Variants in PAPSS2 observed in about 807,000 individuals in gnomAD.
The protein encoded by PAPSS2 is 3'-phosphoadenosine 5'-phosphosulfate synthase 2.
PAPSS2 carries 61 observed loss-of-function variants against 66.5 expected under a neutral mutation model. The observed-to-expected ratio is 0.92, with a 90% CI of 0.75 to 1.14. The LOEUF (loss-of-function observed/expected upper bound fraction) is 1.14. PAPSS2 is among the 50% of genes most tolerant of loss of function. The pLI is 0.00. For missense variants in PAPSS2, 708 were observed against 789.6 expected, an observed-to-expected ratio of 0.90 and a Z score of 1.24; for synonymous variants, 289 against 287.5, an observed-to-expected ratio of 1.01 and a Z score of -0.05.
rs564616591 is a variant in PAPSS2 at position 87,678,431 on chromosome 10, G to A, written c.27+18423G>A. Among the ~76,000 whole-genome samples, 9 of 152,062 alleles carry A rather than the reference G, an allele frequency of 5.9e-5. No individual in the cohort carries two copies. The South Asian group carries it at 1.9e-3, about 32-fold the overall frequency. On this transcript the variant is annotated intron_variant, in intron 1 of 12. Coordinates refer to ENST00000456849, the MANE Select transcript of PAPSS2 (RefSeq NM_001015880.2). ...CCTTAAAAGCATAGACACCTAAAAC[G>A]AAAATAGACAAATTGAACTATATTA...
chr10:87,701,373 T>C (rs1308079468), intron 1 of PAPSS2, among the ~76,000 whole-genome samples: 4 of 114,524 alleles, frequency 3.5e-5, no homozygotes, highest in Non-Finnish European at 5.0e-5. Flanking sequence ...TCTTTCTTTC[T>C]TTCTTTCTTT....
At chr10:87,667,173 G>A (rs752900461) in intron 1 of PAPSS2, among the ~76,000 whole-genome samples, 1 of 152,080 alleles carries the variant, frequency 6.6e-6, no homozygotes, top group Non-Finnish European at 1.5e-5. Flanking sequence ...CAATAAATTG[G>A]CTGGGTGTGG....
At chr10:87,673,368 C>T (rs1262215997) in intron 1 of PAPSS2, among the ~76,000 whole-genome samples, 3 of 152,002 alleles carry the variant, frequency 2.0e-5, no homozygotes, top group Non-Finnish European at 4.4e-5. Flanking sequence ...CTATGTTGCC[C>T]AGGCTGGTCT....
In PAPSS2 at chr10:87,660,343, T is replaced by G. The variant is rs1415670302; in HGVS notation, c.27+335T>G. 12 of 493,098 alleles carry G rather than the reference T, an allele frequency of 2.4e-5. 1 individual carries two copies. In the Admixed American group the frequency reaches 4.1e-4, roughly 17 times the overall value. The allele number at this position is 493,098 out of a possible 1,614,324, so 30.5% of individuals were successfully genotyped here. A position where few individuals can be genotyped will look rare whatever the true frequency, so the allele number is the denominator to read the frequency against. On this transcript the variant is annotated intron_variant, in intron 1 of 12. Transcript: ENST00000456849. ...ATCCCCTTTCTTTCCCAAGAGCTCT[T>G]CCAGACCCGCCTTTTCTTCTGTAGG... is the stretch of plus-strand genomic sequence containing the variant.
At chr10:87,700,519 A>G (rs1853289583) in intron 1 of PAPSS2, among the ~76,000 whole-genome samples, 1 of 152,006 alleles carries the variant, frequency 6.6e-6, no homozygotes, top group Non-Finnish European at 1.5e-5. Context: ...TTGGCCAGCC[A>G]CAGTGGCTTG....
chr10:87,707,665 G>T (rs113617342), intron 1 of PAPSS2, among the ~76,000 whole-genome samples: 1 of 148,824 alleles, frequency 6.7e-6, no homozygotes, highest in South Asian at 2.1e-4. Flanking sequence ...GGCCTCCTGG[G>T]TTCAAGTGAT....
At chr10:87,668,891 C>T (rs1020862966) in intron 1 of PAPSS2, among the ~76,000 whole-genome samples, 1 of 152,158 alleles carries the variant, frequency 6.6e-6, no homozygotes, top group Non-Finnish European at 1.5e-5. Context: ...CTCTTTATCA[C>T]GTGCTCTTTG....
chr10:87,665,518 A>G (rs1852805331), intron 1 of PAPSS2, among the ~76,000 whole-genome samples: 1 of 152,004 alleles, frequency 6.6e-6, no homozygotes, highest in African/African-American at 2.4e-5. Flanking sequence ...GCCTGAATTT[A>G]CCACTTTTTA....
In PAPSS2 at chr10:87,680,234, A is replaced by G. The variant is rs79488509; in HGVS notation, c.27+20226A>G. Among the ~76,000 whole-genome samples the G allele has an allele frequency of 5.3e-5, 8 of 152,294 alleles. No homozygotes were observed. In the South Asian group the frequency reaches 1.7e-3, roughly 32 times the overall value. ...AGAGGGACTTACTCTCAGATTTGGG[A>G]ACTAGACCCGTTACTATTTTCTTTA... On this transcript the variant is annotated intron_variant, in intron 1 of 12. Transcript: ENST00000456849.
intron 2 of PAPSS2, among the ~76,000 whole-genome samples, chr10:87,710,639 T>G (rs1853452218): frequency 6.6e-6 from 1 of 152,228 alleles, no homozygotes; most frequent in African/African-American, 2.4e-5. Flanking sequence ...AAGGGTATAC[T>G]TTCTCCTTCT....
chr10:87,716,416 C>T (rs748920777), intron 7 of PAPSS2, among the ~76,000 whole-genome samples: 6 of 152,242 alleles, frequency 3.9e-5, no homozygotes, highest in Non-Finnish European at 7.3e-5. Context: ...GAAAACCAAT[C>T]TGGTCAAGCT....
intron 1 of PAPSS2, among the ~76,000 whole-genome samples, chr10:87,668,489 G>A (rs1478697423): frequency 2.0e-5 from 3 of 152,128 alleles, no homozygotes; most frequent in African/African-American, 7.2e-5. Flanking sequence ...TCTAATTGAA[G>A]CACTCCACCC....
At chr10:87,707,672 T>C (rs896148792) in intron 1 of PAPSS2, among the ~76,000 whole-genome samples, 5 of 150,132 alleles carry the variant, frequency 3.3e-5, no homozygotes, top group South Asian at 2.1e-4. Flanking sequence ...TGGGTTCAAG[T>C]GATCCTCCCA....
At chr10:87,702,620 G>A (rs1054406662) in intron 1 of PAPSS2, among the ~76,000 whole-genome samples, 2 of 152,322 alleles carry the variant, frequency 1.3e-5, no homozygotes, top group Non-Finnish European at 2.9e-5. Context: ...AAAACAGGGC[G>A]GAGTGGAGTT....
At chr10:87,721,666 TA>T in intron 7 of PAPSS2, 89 bp from the exon 8 acceptor site, 2 of 831,332 alleles carry the variant, frequency 2.4e-6, no homozygotes, top group Non-Finnish European at 4.0e-6. Flanking sequence ...TGAAGTGTCA[TA>T]ATAGGAATTT....
intron 8 of PAPSS2, among the ~76,000 whole-genome samples, chr10:87,726,729 T>C (rs960191831): frequency 7.2e-5 from 11 of 152,212 alleles, no homozygotes; most frequent in Non-Finnish European, 1.0e-4. Flanking sequence ...TAACTTATTA[T>C]ACAAAAAATG....
At chr10:87,723,969 C>T (rs1444414321) in intron 8 of PAPSS2, among the ~76,000 whole-genome samples, 1 of 152,126 alleles carries the variant, frequency 6.6e-6, no homozygotes, top group Non-Finnish European at 1.5e-5. Flanking sequence ...CTTTCATTCT[C>T]TTCTGAATCT....
At chr10:87,737,862 C>G (rs1225842740) in intron 9 of PAPSS2, among the ~76,000 whole-genome samples, 1 of 152,142 alleles carries the variant, frequency 6.6e-6, no homozygotes, top group African/African-American at 2.4e-5. Flanking sequence ...CTCCTGGTAA[C>G]TACCATCCTT....
At chr10:87,703,977 T>C in intron 1 of PAPSS2, 1 of 488,882 alleles carries the variant, frequency 2.0e-6, no homozygotes, top group Non-Finnish European at 4.0e-6. Flanking sequence ...ACAGTCACTT[T>C]CTTTCCAAAG....
Sources: allele counts gnomAD v4.1 joint callset (sites outside exome capture counted in the v4.1 genomes callset), GRCh38; gene constraint gnomAD v4.1.1; transcripts MANE v1.5; gene names NCBI Gene and HGNC (gene_info 2026-07-23, HGNC 2026-07-21).